DLL4: variants seen among roughly 807,000 people sequenced by gnomAD.
The protein encoded by DLL4 is delta like canonical Notch ligand 4.
In DLL4, 7 loss-of-function variants were observed where a neutral mutation model predicts 73.6. The observed-to-expected ratio is 0.10, with a 90% CI of 0.05 to 0.18. DLL4 has a LOEUF of 0.18. Among genes scored for constraint, DLL4 ranks in the 10% least tolerant of loss-of-function variants. DLL4 has a pLI of 1.00. For synonymous variants in DLL4, 345 were observed against 374.3 expected, an observed-to-expected ratio of 0.92 and a Z score of 0.90; for missense variants, 614 against 929.9, an observed-to-expected ratio of 0.66 and a Z score of 4.42.
At position 40,929,703 on chromosome 15, in the gene DLL4, C is replaced by T. The variant is rs1452256269; in HGVS notation, c.35C>T (p.Ala12Val). The T allele has an allele frequency of 2.5e-6, 4 of 1,587,016 alleles. No homozygotes were observed. Among genetic ancestry groups the T allele is most frequent in the Non-Finnish European group, 3.4e-6 (4 of 1,173,692 alleles). ...AAASRSASGW[A>V]LLLLVALWQQ... ...GCGTCCCGGAGCGCCTCTGGCTGGG[C>T]GCTACTGCTGCTGGTGGCACTTTGG... The change falls in exon 1 of 11, where the codon GCG becomes GTG. Residue 12 changes from alanine (A) to valine (V), a missense_variant. Physicochemically the swap from Ala to Val is moderately conservative, Grantham distance 64. Transcript: ENST00000249749. The surrounding 1 kb of genome is among the most constrained non-coding windows in gnomAD (Gnocchi z 7.1).
In DLL4 at chr15:40,937,440, T is replaced by A; in HGVS notation, c.1966T>A (p.Ser656Thr). The change falls in exon 10 of 11, where the codon TCA becomes ACA. Residue 656 changes from serine to threonine, a missense_variant. By Grantham distance (58) the Ser-to-Thr change is moderately conservative (BLOSUM62 1). Around this residue, in one of 3 missense-constraint regions of DLL4, gnomAD observed 386 missense variants for 541.3 expected, o/e 0.71. Transcript: ENST00000249749. ...LHSEKPECRI[S>T]AICSPRDSMY... ...CAGTGAAAAGCCAGAGTGTCGGATATCAGCGATATGCTCCCCCAGGGACTC... is the reference window on the plus strand; with the variant it reads ...CAGTGAAAAGCCAGAGTGTCGGATAACAGCGATATGCTCCCCCAGGGACTC... 1.2e-6 allele frequency: 2 copies of A among 1,613,596 alleles called. No homozygotes were observed. The highest frequency in any genetic ancestry group is 1.7e-6 in the Non-Finnish European group (2 of 1,179,538).
intron 4 of DLL4, 37 bp downstream of exon 4, chr15:40,931,803 G>A (rs764773369): frequency 1.6e-5 from 25 of 1,608,656 alleles, no homozygotes; most frequent in Non-Finnish European, 2.0e-5. Flanking sequence ...GGAAGGGGAG[G>A]GTCCCCTGAG....
intron 3 of DLL4, chr15:40,931,246 G>T: frequency 1.8e-6 from 1 of 551,532 alleles, no homozygotes; most frequent in Non-Finnish European, 3.2e-6. Flanking sequence ...AAGACCCTGG[G>T]ATATCTTAAC....
In DLL4 at chr15:40,930,593, C is replaced by T. The variant is rs906996589; in HGVS notation, c.337-32C>T. On this transcript the variant is annotated intron_variant, in intron 2 of 10. Coordinates refer to ENST00000249749, the MANE Select transcript of DLL4 (RefSeq NM_019074.4). The surrounding 1 kb of genome is among the most constrained non-coding windows in gnomAD (Gnocchi z 5.7). The stretch of plus-strand genomic sequence containing the variant: ...CACCTCTCCCCGCTTGCTCATCTCG[C>T]CATCTCTCCGTCCCCCCACCCCCTT... 1.9e-6 allele frequency: 3 copies of T among 1,606,758 alleles called. No individual in the cohort carries two copies. Among genetic ancestry groups the T allele is most frequent in the Non-Finnish European group, 2.6e-6 (3 of 1,174,084 alleles).
Position 40,930,030 on chromosome 15 carries a change from T to G in DLL4, c.250T>G (p.Leu84Val), listed in dbSNP as rs757981768. The G allele has an allele frequency of 1.9e-6, 3 of 1,612,774 alleles. No individual in the cohort carries two copies. The highest frequency in any genetic ancestry group is 2.5e-6 in the Non-Finnish European group (3 of 1,179,662). ...CTTCGGGACCGTCTCCACGCCGGTATTGGGCACCAACTCCTTCGCTGTCCG... is the reference window on the plus strand; with the variant it reads ...CTTCGGGACCGTCTCCACGCCGGTAGTGGGCACCAACTCCTTCGCTGTCCG... ...CTFGTVSTPV[L>V]GTNSFAVRDD... is the part of the protein sequence containing the mutation. Residue 84 changes from leucine (L) to valine (V), a missense_variant, in exon 2 of 11, where the codon TTG (leucine) becomes GTG (valine). Physicochemically the swap from Leu to Val is conservative, Grantham distance 32 (BLOSUM62 1). Around this residue, in one of 3 missense-constraint regions of DLL4, gnomAD observed 227 missense variants for 370.8 expected, o/e 0.61. Transcript: ENST00000249749. This position sits in a 1 kb window ranked among gnomAD's most constrained non-coding sequence, Gnocchi z 5.7.
intron 10 of DLL4, 85 bp from the exon 11 acceptor site, chr15:40,937,944 C>T (rs1193055379): frequency 1.3e-6 from 2 of 1,550,050 alleles, no homozygotes; most frequent in African/African-American, 1.4e-5. Flanking sequence ...GCCCCATCGC[C>T]TTCTCCCAGG....
Position 40,930,575 on chromosome 15 carries a change from C to T in DLL4, c.337-50C>T. The T allele has an allele frequency of 1.3e-6, 2 of 1,537,326 alleles. No individual in the cohort carries two copies. The highest frequency in any genetic ancestry group is 1.7e-4 in the Middle Eastern group (1 of 5,926). ...GCTGCCGCAAGGCACCCCCACCTCT[C>T]CCCGCTTGCTCATCTCGCCATCTCT... On this transcript the variant is annotated intron_variant, in intron 2 of 10. Coordinates refer to ENST00000249749, the MANE Select transcript of DLL4 (RefSeq NM_019074.4). The surrounding 1 kb of genome is among the most constrained non-coding windows in gnomAD (Gnocchi z 5.7).
intron 6 of DLL4, 141 bp from the exon 7 acceptor site, chr15:40,934,407 T>G (rs1596193868): frequency 1.6e-6 from 1 of 617,500 alleles, no homozygotes; most frequent in Non-Finnish European, 2.7e-6. Flanking sequence ...TTATTGGTGG[T>G]GGAGGAAGGA....
intron 6 of DLL4, among the ~76,000 whole-genome samples, chr15:40,933,689 T>C (rs149164327): frequency 2.6e-5 from 4 of 152,258 alleles, no homozygotes; most frequent in Non-Finnish European, 5.9e-5. Flanking sequence ...TCTGCTCTTC[T>C]TCCTTATCTT....
chr15:40,934,015 CAAAA>C lies in DLL4; in HGVS notation c.851-510_851-507del, dbSNP rs59066863. Among the ~76,000 whole-genome samples, 6 of 42,170 alleles carry C rather than the reference CAAAA, an allele frequency of 1.4e-4. No homozygotes were observed. In the South Asian group the frequency reaches 5.2e-3, roughly 36 times the overall value. The allele number at this position is 42,170 out of a possible 152,430, so 27.7% of individuals were successfully genotyped here. ...TGAGTGACAGAGCAAGACTCCGTCT[CAAAA>C]AAAAAAAAAAAAAAAAAAAAAAGAA... is the stretch of plus-strand genomic sequence containing the variant. On this transcript the variant is annotated intron_variant, in intron 6 of 10. Transcript: ENST00000249749.
At position 40,930,750 on chromosome 15, in the gene DLL4, A is replaced by C; in HGVS notation, c.394+68A>C. 5 of 1,397,622 alleles carry C rather than the reference A, an allele frequency of 3.6e-6. No homozygotes were observed. Among genetic ancestry groups the C allele is most frequent in the Non-Finnish European group, 5.0e-6 (5 of 993,634 alleles). 86.6% of individuals were successfully genotyped at this position (1,397,622 alleles called of 1,614,324 possible). On this transcript the variant is annotated intron_variant, in intron 3 of 10. Transcript: ENST00000249749. The surrounding 1 kb of genome is among the most constrained non-coding windows in gnomAD (Gnocchi z 5.7). The stretch of plus-strand genomic sequence containing the variant: ...AGCGCCGAAAGAGTTAATCTGTTCT[A>C]GGCGGGGGAAGTGCGGGCTTGGGGG...
At chr15:40,934,456 AGCCAAACATGGG>A in intron 6 of DLL4, 80 bp from the exon 7 acceptor site, 1 of 1,379,976 alleles carries the variant, frequency 7.2e-7, no homozygotes, top group Non-Finnish European at 9.9e-7. Flanking sequence ...GGTGTCTTTG[AGCCAAACATGGG>A]GGCAAACATG....
Position 40,932,645 on chromosome 15 carries a change from C to A in DLL4, c.850+198C>A, listed in dbSNP as rs558603898. ...GCGGTGGGTCCTTCTCCAGGTGCGG[C>A]GGCAGGGGGTGGTGGAGCCAGGGTG... On this transcript the variant is annotated intron_variant, in intron 6 of 10. Coordinates refer to ENST00000249749, the MANE Select transcript of DLL4 (RefSeq NM_019074.4). Among the ~76,000 whole-genome samples, 529 of 152,108 alleles carry A rather than the reference C, an allele frequency of 3.5e-3. 4 individuals are homozygous for A. Among genetic ancestry groups the A allele is most frequent in the South Asian group, 0.018 (85 of 4,824 alleles).
rs776097967 is a variant in DLL4, at chr15:40,931,782, C to T, written c.658+16C>T. 5.0e-6 allele frequency: 8 copies of T among 1,612,652 alleles called. No homozygotes were observed. The highest frequency in any genetic ancestry group is 5.9e-6 in the Non-Finnish European group (7 of 1,179,334). On this transcript the variant is annotated intron_variant, in intron 4 of 10. Transcript: ENST00000249749. ...TGCCAACAGCGTAAGCAGTCAAGCT[C>T]CCACCTGTGTGGAAGGGGAGGGTCC...
At position 40,936,253 on chromosome 15, in the gene DLL4, A is replaced by C; in HGVS notation, c.1266A>C (p.Pro422=). The C allele has an allele frequency of 1.9e-6, 3 of 1,603,362 alleles. No individual in the cohort carries two copies. Among genetic ancestry groups the C allele is most frequent in the Non-Finnish European group, 2.6e-6 (3 of 1,176,276 alleles). The stretch of plus-strand genomic sequence containing the variant: ...GGGGACAGTGCCTGAACCGAGGTCC[A>C]AGCCGCATGTGCCGCTGCCGTCCTG... The part of the protein sequence containing the change: ...ANGGQCLNRG[P]SRMCRCRPGF... The change falls in exon 9 of 11, where the codon CCA becomes CCC. Residue 422 remains proline (P), a synonymous_variant. Transcript: ENST00000249749.
At chr15:40,932,659 G>A (rs1892786283) in intron 6 of DLL4, among the ~76,000 whole-genome samples, 1 of 152,176 alleles carries the variant, frequency 6.6e-6, no homozygotes. Context: ...AGGGGGTGGT[G>A]GAGCCAGGGT....
In DLL4 at chr15:40,929,936, C is replaced by T. The variant is rs367900130; in HGVS notation, c.156C>T (p.Pro52=). 1.5e-4 allele frequency: 241 copies of T among 1,612,946 alleles called. No homozygotes were observed. Among genetic ancestry groups the T allele is most frequent in the Non-Finnish European group, 1.9e-4 (230 of 1,179,812 alleles). Reference sequence around the variant, plus strand: ...TGGCCAGTGGGCGGCCTTGCGAGCCCGGCTGCCGGACTTTCTTCCGCGTCT... The same window carrying T: ...TGGCCAGTGGGCGGCCTTGCGAGCCTGGCTGCCGGACTTTCTTCCGCGTCT... ...GVLASGRPCE[P]GCRTFFRVCL... Residue 52 remains proline, a synonymous_variant, in exon 2 of 11, where the codon CCC becomes CCT. Coordinates refer to ENST00000249749, the MANE Select transcript of DLL4 (RefSeq NM_019074.4). The surrounding 1 kb of genome is among the most constrained non-coding windows in gnomAD (Gnocchi z 7.1).
Position 40,929,460 on chromosome 15 carries a change from C to A in DLL4, c.-209C>A. 2 of 555,342 alleles carry A rather than the reference C, an allele frequency of 3.6e-6. No homozygotes were observed. The highest frequency in any genetic ancestry group is 5.3e-5 in the South Asian group (2 of 37,980). The allele number at this position is 555,342 out of a possible 1,614,324, so 34.4% of individuals were successfully genotyped here. ...CCCCAGGATTAGACAGAAGACGCGT[C>A]CTCGGCGCGGTCGCCGCCCAGCCGT... On this transcript the variant is annotated 5_prime_UTR_variant, in exon 1 of 11. Coordinates refer to ENST00000249749, the MANE Select transcript of DLL4 (RefSeq NM_019074.4). This position sits in a 1 kb window ranked among gnomAD's most constrained non-coding sequence, Gnocchi z 7.1.
chr15:40,938,800 G>C lies in DLL4; in HGVS notation c.*766G>C, dbSNP rs954341685. 1 of 152,666 alleles carries C rather than the reference G, an allele frequency of 6.6e-6. No individual in the cohort carries two copies. Among genetic ancestry groups the C allele is most frequent in the African/African-American group, 2.4e-5 (1 of 41,464 alleles). The allele number at this position is 152,666 out of a possible 1,614,324, so 9.5% of individuals were successfully genotyped here. A position where few individuals can be genotyped will look rare whatever the true frequency, so the allele number is the denominator to read the frequency against. On this transcript the variant is annotated 3_prime_UTR_variant, in exon 11 of 11. Transcript: ENST00000249749. ...GAAATTCCACTGAGGGGGAAATCAG[G>C]TGCTGCGGCCGCCTGGGCCCTTTCC...
Sources: gnomAD v4.1 joint callset for allele counts (sites outside exome capture counted in the v4.1 genomes callset) on GRCh38, gnomAD v4.1.1 for gene constraint, gnomAD v4.1.1 regional missense constraint, Gnocchi (gnomAD v3.1) non-coding constraint, MANE v1.5 for transcripts, NCBI Gene and HGNC (gene_info 2026-07-23, HGNC 2026-07-21) for gene names.